The following ENDOV variants were observed in gnomAD, a reference collection of about 807,000 sequenced individuals.
The protein encoded by ENDOV is endonuclease V, also known as hEndoV.
In ENDOV, 37 loss-of-function variants were observed where a neutral mutation model predicts 39.4. The observed-to-expected ratio is 0.94, with a 90% CI of 0.72 to 1.23. The LOEUF is 1.23. Ranked by LOEUF, ENDOV falls within the 50% of genes most tolerant of loss-of-function variation. The pLI is 0.00. For missense variants in ENDOV, 441 were observed against 375.7 expected (o/e 1.17, Z -1.44); for synonymous variants, 186 against 163.4 (o/e 1.14, Z -1.05).
chr17:80,421,869 CT>C lies in ENDOV; in HGVS notation c.271del (p.Tyr91ThrfsTer107). 6.2e-7 allele frequency: 1 copy of C among 1,605,602 alleles called. No individual in the cohort carries two copies. Among genetic ancestry groups the C allele is most frequent in the Non-Finnish European group, 8.5e-7 (1 of 1,176,710 alleles). On this transcript the variant is annotated frameshift_variant, in exon 3 of 10. Coordinates refer to ENST00000518137, the MANE Select transcript of ENDOV (RefSeq NM_173627.5). LOFTEE classifies it high-confidence loss of function. ...ESRMVSLTAP[Y>X]VSGFLAFREV... ...GCCGCATGGTCAGCCTCACAGCCCC[CT>C]ACGTGTCGGGCTTCCTGGCCTTCCG...
At chr17:80,427,522 A>G (rs2082855749) in intron 7 of ENDOV, 7 of 1,053,346 alleles carry the variant, frequency 6.6e-6, no homozygotes, top group Non-Finnish European at 8.1e-6. Flanking sequence ...AGAGGAAGGA[A>G]AGCCGCAACC....
chr17:80,419,774 C>G, intron 2 of ENDOV: 1 of 671,662 alleles, frequency 1.5e-6, no homozygotes, highest in Non-Finnish European at 2.8e-6. Context: ...TTTCCGTCTG[C>G]ACTCAGAATC....
Position 80,428,661 on chromosome 17 carries a change from G to A in ENDOV, c.779+1G>A. ...GACTCCCCGGGCCACCCACACCGAG[G>A]TGAGCACCCAGGGAGGCTGGGGCAC... On this transcript the variant is annotated splice_donor_variant, in intron 8 of 9. Coordinates refer to ENST00000518137, the MANE Select transcript of ENDOV (RefSeq NM_173627.5). LOFTEE classifies it high-confidence loss of function. 1 of 1,577,464 alleles carries A rather than the reference G, an allele frequency of 6.3e-7. No homozygotes were observed. The highest frequency in any genetic ancestry group is 8.6e-7 in the Non-Finnish European group (1 of 1,162,006).
At chr17:80,422,291 C>T (rs9907097) in intron 4 of ENDOV, 46 bp downstream of exon 4, 156 of 1,605,472 alleles carry the variant, frequency 9.7e-5, no homozygotes, top group South Asian at 1.7e-4. Context: ...TGGGGAAGAG[C>T]GGGGGGAGAG....
chr17:80,425,492 G>A lies in ENDOV; in HGVS notation c.586G>A (p.Ala196Thr), dbSNP rs1354969538. 2.5e-6 allele frequency: 4 copies of A among 1,595,468 alleles called. No individual in the cohort carries two copies. The South Asian group carries it at 4.5e-5, about 18-fold the overall frequency. ...ACAGCCCTCGCCTTCCTTGTCACAGGCCCTGAGGAGCCACGACCGCAGCAC... is the reference window on the plus strand; with the variant it reads ...ACAGCCCTCGCCTTCCTTGTCACAGACCCTGAGGAGCCACGACCGCAGCAC... ...LGDSGTVLGMALRSHDRSTRP... is the reference protein window; with the variant it reads ...LGDSGTVLGMTLRSHDRSTRP... Residue 196 changes from alanine (A) to threonine (T), a missense_variant and splice_region_variant, in exon 7 of 10, where the codon GCC (alanine) becomes ACC (threonine). Transcript: ENST00000518137.
At chr17:80,416,782 A>C (rs1218231842) in intron 2 of ENDOV, among the ~76,000 whole-genome samples, 17 of 104,022 alleles carry the variant, frequency 1.6e-4, no homozygotes, top group South Asian at 3.5e-4. Flanking sequence ...CCCTTCCCCC[A>C]CTCTGTGCCC....
At chr17:80,416,168 C>G (rs922350463) in intron 2 of ENDOV, 1 of 166,688 alleles carries the variant, frequency 6.0e-6, no homozygotes, top group Non-Finnish European at 1.2e-5. Flanking sequence ...ACCCGGGAGG[C>G]GGAGGTTGCG....
intron 9 of ENDOV, chr17:80,430,489 G>C: frequency 2.5e-6 from 2 of 809,392 alleles, no homozygotes; most frequent in African/African-American, 1.8e-5. Context: ...AACCACCTCT[G>C]CCCTGACACG....
intron 9 of ENDOV, among the ~76,000 whole-genome samples, chr17:80,432,838 G>A (rs1053137882): frequency 7.9e-5 from 12 of 152,190 alleles, no homozygotes; most frequent in East Asian, 1.9e-4. Context: ...GTTTCTGCTC[G>A]CTCCCATTCC....
intron 7 of ENDOV, chr17:80,427,472 G>C (rs2082847421): frequency 1.0e-6 from 1 of 985,352 alleles, no homozygotes; most frequent in African/African-American, 1.7e-5. Context: ...TCTGTGCCTA[G>C]CACCAGCAAA....
chr17:80,415,584 G>T (rs1599265004), intron 1 of ENDOV, 66 bp from the exon 2 acceptor site: 1 of 1,550,482 alleles, frequency 6.4e-7, no homozygotes, highest in East Asian at 2.4e-5. Flanking sequence ...CGCTGCAGCC[G>T]CGCGGGTGGA....
At position 80,437,273 on chromosome 17, in the gene ENDOV, C is replaced by T. The variant is rs11870849; in HGVS notation, c.*1130C>T. The T allele has an allele frequency of 0.057, 8,738 of 152,824 alleles. 286 individuals carry two copies. The highest frequency in any genetic ancestry group is 0.16 in the East Asian group (813 of 5,192). 9.5% of individuals were successfully genotyped at this position (152,824 alleles called of 1,614,324 possible). On this transcript the variant is annotated 3_prime_UTR_variant, in exon 10 of 10. Coordinates refer to ENST00000518137, the MANE Select transcript of ENDOV (RefSeq NM_173627.5). Reference sequence around the variant, plus strand: ...AGAGTCGGAGCTCCAACCACATCTGCCTGCATGCCTTTCCCAGGCTCTCCC... The same window carrying T: ...AGAGTCGGAGCTCCAACCACATCTGTCTGCATGCCTTTCCCAGGCTCTCCC...
chr17:80,423,495 C>CCCCAA, intron 4 of ENDOV, 25 bp from the exon 5 acceptor site: 1 of 912,812 alleles, frequency 1.1e-6, no homozygotes, highest in Non-Finnish European at 1.7e-6. Context: ...ACCTCCCCAA[C>CCCCAA]CCCACCCTCC....
intron 7 of ENDOV, among the ~76,000 whole-genome samples, chr17:80,426,795 A>C (rs1364235195): frequency 6.6e-6 from 1 of 152,216 alleles, no homozygotes; most frequent in African/African-American, 2.4e-5. Context: ...GATGGCTGTG[A>C]GTTGGCAGCG....
At chr17:80,425,334 G>A (rs961309937) in intron 6 of ENDOV, 158 bp from the exon 7 acceptor site, 23 of 1,137,398 alleles carry the variant, frequency 2.0e-5, no homozygotes, top group African/African-American at 1.9e-4. Flanking sequence ...GCAGGAAGGC[G>A]CCCTGAGGGT....
At position 80,427,866 on chromosome 17, in the gene ENDOV, C is replaced by T. The variant is rs930392617; in HGVS notation, c.715-730C>T. 6 of 1,257,548 alleles carry T rather than the reference C, an allele frequency of 4.8e-6. No homozygotes were observed. In the African/African-American group the frequency reaches 6.2e-5, roughly 13 times the overall value. The allele number at this position is 1,257,548 out of a possible 1,614,324, so 77.9% of individuals were successfully genotyped here. A position where few individuals can be genotyped will look rare whatever the true frequency, so the allele number is the denominator to read the frequency against. On this transcript the variant is annotated intron_variant, in intron 7 of 9. Coordinates refer to ENST00000518137, the MANE Select transcript of ENDOV (RefSeq NM_173627.5). ...CCAGGGGAAGGTGAGAGGTGCTGGC[C>T]CCGCCTACCGCTGCCCCACTTCCCC... is the stretch of plus-strand genomic sequence containing the variant.
At position 80,425,112 on chromosome 17, in the gene ENDOV, G is replaced by C; in HGVS notation, c.585+12G>C. 1 of 1,603,288 alleles carries C rather than the reference G, an allele frequency of 6.2e-7. No individual in the cohort carries two copies. Among genetic ancestry groups the C allele is most frequent in the Non-Finnish European group, 8.5e-7 (1 of 1,174,718 alleles). On this transcript the variant is annotated intron_variant, in intron 6 of 9. Coordinates refer to ENST00000518137, the MANE Select transcript of ENDOV (RefSeq NM_173627.5). ...CTGTCCTGGGAATGGTGAGTAGCTA[G>C]GGCCCTGAGCTCCTCCAAAGCCCCG...
intron 8 of ENDOV, 38 bp downstream of exon 8, chr17:80,428,698 C>T: frequency 1.3e-6 from 2 of 1,545,844 alleles, no homozygotes; most frequent in South Asian, 2.4e-5. Context: ...AAAGGGGCAT[C>T]TCACAGACAC....
At chr17:80,415,305 G>C (rs1568197547) in intron 1 of ENDOV, 55 bp downstream of exon 1, 7 of 1,591,066 alleles carry the variant, frequency 4.4e-6, no homozygotes, top group African/African-American at 1.3e-5. Context: ...GCGGCCCTTC[G>C]CGGACCCTCC....
Sources: allele counts gnomAD v4.1 joint callset (sites outside exome capture counted in the v4.1 genomes callset), GRCh38; gene constraint gnomAD v4.1.1; transcripts MANE v1.5; gene names NCBI Gene and HGNC (gene_info 2026-07-23, HGNC 2026-07-21).